The following TNFRSF13B variants were observed in gnomAD, a reference collection of about 807,000 sequenced individuals.
The protein encoded by TNFRSF13B is tumor necrosis factor receptor superfamily member 13B.
A neutral mutation model predicts 24.0 loss-of-function variants in TNFRSF13B; 34 were observed. That is an observed-to-expected ratio of 1.41 (90% CI 1.08 to 1.88). TNFRSF13B has a LOEUF of 1.88. TNFRSF13B is among the 40% of genes most tolerant of loss of function. TNFRSF13B has a pLI of 0.00. For synonymous variants in TNFRSF13B, 173 were observed against 150.3 expected (o/e 1.15, Z -1.10); for missense variants, 415 against 380.8 (o/e 1.09, Z -0.75).
chr17:16,966,992 G>A (rs902446516), intron 1 of TNFRSF13B, among the ~76,000 whole-genome samples: 8 of 151,694 alleles, frequency 5.3e-5, no homozygotes, highest in African/African-American at 1.9e-4. Context: ...GCACTCGCCA[G>A]CATGCCTGGC....
At chr17:16,957,437 G>A (rs1353912715) in intron 1 of TNFRSF13B, among the ~76,000 whole-genome samples, 1 of 152,106 alleles carries the variant, frequency 6.6e-6, no homozygotes, top group African/African-American at 2.4e-5. Flanking sequence ...AAAAGTATTT[G>A]AAGGAATAAT....
At chr17:16,967,147 CA>C (rs1415373289) in intron 1 of TNFRSF13B, among the ~76,000 whole-genome samples, 7 of 151,720 alleles carry the variant, frequency 4.6e-5, no homozygotes, top group Admixed American at 4.6e-4. Context: ...CCAATTGCAG[CA>C]ACATTTGTAA....
chr17:16,952,899 A>G (rs1224723143), intron 1 of TNFRSF13B, among the ~76,000 whole-genome samples: 1 of 152,002 alleles, frequency 6.6e-6, no homozygotes. Flanking sequence ...TCTCCCTGCC[A>G]CAGGGTCTTT....
rs1282747397 is a variant in TNFRSF13B at position 16,972,032 on chromosome 17, A to T, written c.44T>A (p.Val15Glu). The change falls in exon 1 of 5, where the codon GTG becomes GAG. Residue 15 changes from valine (V) to glutamate (E), a missense_variant. Transcript: ENST00000261652. ...CTACTCACAGCGCTCCTCCTGGTCC[A>T]CACGGCTCCGGCCACCTCGCCTGCT... Reference protein sequence around the residue: ...GRSRRGGRSRVDQEERFPQGL... With the variant: ...GRSRRGGRSREDQEERFPQGL... 6.2e-7 allele frequency: 1 copy of T among 1,614,022 alleles called. No individual in the cohort carries two copies.
intron 3 of TNFRSF13B, among the ~76,000 whole-genome samples, chr17:16,947,871 C>G (rs867343543): frequency 6.6e-6 from 1 of 152,142 alleles, no homozygotes; most frequent in Non-Finnish European, 1.5e-5. Context: ...GAAAATAAAC[C>G]GTTCTACCAA....
intron 3 of TNFRSF13B, among the ~76,000 whole-genome samples, chr17:16,947,471 A>G (rs1271861265): frequency 1.3e-5 from 2 of 152,252 alleles, no homozygotes; most frequent in Non-Finnish European, 2.9e-5. Flanking sequence ...TCTAATATCC[A>G]TAATCTATGA....
rs1463479780 is a variant in TNFRSF13B, at chr17:16,940,321, C to T, written c.631+5G>A. ...AGGGCGAGGACCCCAGTTTCATGCA[C>T]TCACCCTGGGAAGACTTGGCCGGAC... On this transcript the variant is annotated splice_donor_5th_base_variant and intron_variant, in intron 4 of 4. Transcript: ENST00000261652. 6.8e-6 allele frequency: 11 copies of T among 1,612,892 alleles called. No homozygotes were observed. Among genetic ancestry groups the T allele is most frequent in the African/African-American group, 1.3e-5 (1 of 74,902 alleles).
chr17:16,961,422 AATACTT>A (rs1280823730), intron 1 of TNFRSF13B, among the ~76,000 whole-genome samples: 15 of 152,244 alleles, frequency 9.9e-5, no homozygotes, highest in African/African-American at 3.4e-4. Context: ...AAATGAATGG[AATACTT>A]ATACATGCTA....
chr17:16,947,498 A>C (rs2087557439), intron 3 of TNFRSF13B, among the ~76,000 whole-genome samples: 2 of 152,234 alleles, frequency 1.3e-5, no homozygotes, highest in African/African-American at 4.8e-5. Flanking sequence ...TAAACAATTC[A>C]AAAAGCAAAC....
At chr17:16,963,238 C>G (rs1472849584) in intron 1 of TNFRSF13B, among the ~76,000 whole-genome samples, 1 of 152,234 alleles carries the variant, frequency 6.6e-6, no homozygotes, top group East Asian at 1.9e-4. Flanking sequence ...CCCTGAGCTG[C>G]TGCCCTTATT....
intron 1 of TNFRSF13B, among the ~76,000 whole-genome samples, chr17:16,967,434 A>T (rs969254041): frequency 6.6e-6 from 1 of 152,142 alleles, no homozygotes; most frequent in African/African-American, 2.4e-5. Flanking sequence ...GTAAATGGTC[A>T]TGTATACATT....
At chr17:16,953,933 A>C (rs2087607770) in intron 1 of TNFRSF13B, among the ~76,000 whole-genome samples, 1 of 152,124 alleles carries the variant, frequency 6.6e-6, no homozygotes. Flanking sequence ...TGTCTGGCTA[A>C]TTTTTGTATT....
chr17:16,947,781 C>T (rs1014568946), intron 3 of TNFRSF13B, among the ~76,000 whole-genome samples: 1 of 152,258 alleles, frequency 6.6e-6, no homozygotes, highest in Non-Finnish European at 1.5e-5. Context: ...CTGTAGAAAG[C>T]AGTTTGGAGA....
At chr17:16,969,953 G>A in intron 1 of TNFRSF13B, among the ~76,000 whole-genome samples, 1 of 152,172 alleles carries the variant, frequency 6.6e-6, no homozygotes, top group Non-Finnish European at 1.5e-5. Flanking sequence ...TTGAGTGGAA[G>A]GTGGGCAGGA....
chr17:16,939,231 A>C lies in TNFRSF13B; in HGVS notation c.*316T>G, dbSNP rs1597655902. ...GGGAACTGGGACTCAGAGTGCCCCG[A>C]CCTCCTGCTCTATCTCTCTCTGTCC... On this transcript the variant is annotated 3_prime_UTR_variant, in exon 5 of 5. Transcript: ENST00000261652. 3.6e-6 allele frequency: 1 copy of C among 280,948 alleles called. No individual in the cohort carries two copies. Among genetic ancestry groups the C allele is most frequent in the Non-Finnish European group, 6.7e-6 (1 of 149,810 alleles). The allele number at this position is 280,948 out of a possible 1,614,324, so 17.4% of individuals were successfully genotyped here. A position where few individuals can be genotyped will look rare whatever the true frequency, so the allele number is the denominator to read the frequency against.
chr17:16,950,833 T>C (rs2087583562), intron 2 of TNFRSF13B, among the ~76,000 whole-genome samples: 1 of 152,096 alleles, frequency 6.6e-6, no homozygotes, highest in Non-Finnish European at 1.5e-5. Flanking sequence ...CTGCTCATAG[T>C]GCCCTTTCTT....
chr17:16,944,255 C>T (rs1344311151), intron 3 of TNFRSF13B, among the ~76,000 whole-genome samples: 1 of 152,250 alleles, frequency 6.6e-6, no homozygotes, highest in Non-Finnish European at 1.5e-5. Flanking sequence ...CTAGCAGCAC[C>T]TGTACATGCT....
At chr17:16,967,344 T>TA (rs1238824437) in intron 1 of TNFRSF13B, among the ~76,000 whole-genome samples, 2 of 151,950 alleles carry the variant, frequency 1.3e-5, no homozygotes, top group Non-Finnish European at 2.9e-5. Context: ...CAAAACAAGG[T>TA]ATATAACGGC....
intron 1 of TNFRSF13B, among the ~76,000 whole-genome samples, chr17:16,960,492 A>G (rs1170828336): frequency 6.6e-6 from 1 of 152,196 alleles, no homozygotes; most frequent in Non-Finnish European, 1.5e-5. Flanking sequence ...AGAAAACCCT[A>G]ACAATTCCAT....
Sources: allele counts gnomAD v4.1 joint callset (sites outside exome capture counted in the v4.1 genomes callset), GRCh38; gene constraint gnomAD v4.1.1; transcripts MANE v1.5; gene names NCBI Gene and HGNC (gene_info 2026-07-23, HGNC 2026-07-21).